The following EML6 variants were observed in gnomAD, a reference collection of about 807,000 sequenced individuals.
EML6 encodes the protein EMAP like 6, also known as echinoderm microtubule-associated protein-like 6.
A neutral mutation model predicts 240.1 loss-of-function variants in EML6; 154 were observed. The ratio of observed to expected loss-of-function variants is 0.64; its 90% CI spans 0.56 to 0.73. The LOEUF is 0.73. EML6 is among the 30% of genes least tolerant of loss of function. The pLI is 0.00. For missense variants in EML6, 2,964 were observed against 2,474.6 expected, an observed-to-expected ratio of 1.20 and a Z score of -4.20; for synonymous variants, 1,148 against 899.0, an observed-to-expected ratio of 1.28 and a Z score of -4.95.
At chr2:54,958,108 C>T (rs1206526204) in intron 33 of EML6, 110 bp downstream of exon 33, 1 of 900,964 alleles carries the variant, frequency 1.1e-6, no homozygotes, top group Non-Finnish European at 1.7e-6. Context: ...GCAGGAAAGC[C>T]ATTTCCACAT....
chr2:54,829,939 G>A (rs1668784828), intron 7 of EML6, among the ~76,000 whole-genome samples: 1 of 152,200 alleles, frequency 6.6e-6, no homozygotes, highest in Non-Finnish European at 1.5e-5. Context: ...CTATGAGAGA[G>A]TTAAGAAATT....
At chr2:54,909,038 C>T (rs981905251) in intron 24 of EML6, among the ~76,000 whole-genome samples, 1 of 152,190 alleles carries the variant, frequency 6.6e-6, no homozygotes, top group Non-Finnish European at 1.5e-5. Flanking sequence ...AGATTTTTCT[C>T]ATTTTTGGTT....
chr2:54,921,246 AGTC>A (rs1426992887), intron 26 of EML6, among the ~76,000 whole-genome samples: 2 of 152,244 alleles, frequency 1.3e-5, no homozygotes, highest in East Asian at 3.9e-4. Flanking sequence ...GAATTAATAA[AGTC>A]AGTAAAGTTG....
At chr2:54,938,993 G>C (rs1295782150) in intron 28 of EML6, among the ~76,000 whole-genome samples, 1 of 152,166 alleles carries the variant, frequency 6.6e-6, no homozygotes, top group East Asian at 1.9e-4. Context: ...TGTCAACTCT[G>C]TGAAAGCAAA....
At chr2:54,808,034 G>T (rs779500838) in intron 2 of EML6, among the ~76,000 whole-genome samples, 6 of 152,176 alleles carry the variant, frequency 3.9e-5, no homozygotes, top group Non-Finnish European at 7.3e-5. Flanking sequence ...CAGTTTTAGG[G>T]ACCCCCCCTG....
chr2:54,854,165 C>T (rs529586510), intron 11 of EML6, among the ~76,000 whole-genome samples: 28 of 151,976 alleles, frequency 1.8e-4, no homozygotes, highest in African/African-American at 6.0e-4. Flanking sequence ...ATATATAGTC[C>T]GTTAAAATGT....
intron 2 of EML6, among the ~76,000 whole-genome samples, chr2:54,782,364 T>C (rs1358935239): frequency 6.6e-6 from 1 of 152,174 alleles, no homozygotes; most frequent in Admixed American, 6.5e-5. Context: ...GGAAGCATGA[T>C]AAAAATGAGA....
Position 54,739,440 on chromosome 2 carries a change from A to C in EML6, c.197+14182A>C, listed in dbSNP as rs72913561. ...TAGTGAAAATGAAGGTATAATTTTT[A>C]ATCTAAGTTCATCAACCTCCTGAAA... On this transcript the variant is annotated intron_variant, in intron 2 of 41. Transcript: ENST00000356458. Among the ~76,000 whole-genome samples the C allele has an allele frequency of 1.0e-3, 152 of 152,352 alleles. 1 individual carries two copies. Among genetic ancestry groups the C allele is most frequent in the African/African-American group, 3.5e-3 (146 of 41,574 alleles).
chr2:54,743,233 T>C (rs1683737465), intron 2 of EML6, among the ~76,000 whole-genome samples: 1 of 152,170 alleles, frequency 6.6e-6, no homozygotes, highest in Non-Finnish European at 1.5e-5. Flanking sequence ...GTTGCACTCA[T>C]GTAGCACTCA....
chr2:54,872,261 TA>T (rs1431003823), intron 16 of EML6, among the ~76,000 whole-genome samples: 2 of 152,206 alleles, frequency 1.3e-5, no homozygotes, highest in Non-Finnish European at 2.9e-5. Context: ...TATTTCTACC[TA>T]GAAATTTTTA....
At chr2:54,939,547 T>A (rs966056386) in intron 28 of EML6, among the ~76,000 whole-genome samples, 1 of 152,204 alleles carries the variant, frequency 6.6e-6, no homozygotes, top group South Asian at 2.1e-4. Flanking sequence ...TGCACCCATA[T>A]TTGGCTGATC....
chr2:54,949,441 G>C (rs1486779266), intron 29 of EML6, among the ~76,000 whole-genome samples: 3 of 152,280 alleles, frequency 2.0e-5, no homozygotes, highest in African/African-American at 7.2e-5. Flanking sequence ...TTCCCGACGA[G>C]GACGCTGTGG....
intron 4 of EML6, among the ~76,000 whole-genome samples, chr2:54,818,635 T>C (rs1668186919): frequency 1.3e-5 from 2 of 152,350 alleles, no homozygotes; most frequent in African/African-American, 2.4e-5. Context: ...TTAGATAAAT[T>C]GAACACCTCT....
chr2:54,907,946 A>AGATAAGATAGAT (rs1202900130), intron 24 of EML6, among the ~76,000 whole-genome samples: 8 of 38,028 alleles, frequency 2.1e-4, no homozygotes, highest in Non-Finnish European at 4.2e-4. Context: ...ATAGATAGAT[A>AGATAAGATAGAT]AGATAGATAG....
Position 54,839,814 on chromosome 2 carries a change from A to G in EML6, c.848-4233A>G, listed in dbSNP as rs571272600. 5.9e-5 allele frequency among the ~76,000 whole-genome samples: 9 copies of G among 152,214 alleles called. No individual in the cohort carries two copies. In the East Asian group the frequency reaches 1.7e-3, roughly 30 times the overall value. ...TATGGTCTGAAAAACACTGAGTGCC[A>G]TGTGACTTGACTGGTTCATTAGTCT... On this transcript the variant is annotated intron_variant, in intron 7 of 41. Transcript: ENST00000356458.
In EML6 at chr2:54,948,546, C is replaced by CATGG. The variant is rs1558716524; in HGVS notation, c.4005-336_4005-335insATGG. Reference sequence around the variant, plus strand: ...CCTCCCGCCCCTCATGGTCAGGCTTCTCCTTGGTTTTGAACCAAGCCCCTC... The same window carrying CATGG: ...CCTCCCGCCCCTCATGGTCAGGCTTCATGGTCCTTGGTTTTGAACCAAGCCCCTC... On this transcript the variant is annotated intron_variant, in intron 28 of 41. Coordinates refer to ENST00000356458, the MANE Select transcript of EML6 (RefSeq NM_001039753.4). Among the ~76,000 whole-genome samples the CATGG allele has an allele frequency of 2.0e-5, 3 of 152,234 alleles. No homozygotes were observed. The South Asian group carries it at 6.2e-4, about 31-fold the overall frequency.
chr2:54,951,856 C>T (rs76413500), intron 30 of EML6, among the ~76,000 whole-genome samples: 4 of 152,142 alleles, frequency 2.6e-5, no homozygotes, highest in Admixed American at 2.6e-4. Flanking sequence ...TATATATTTT[C>T]TTCACTTTCT....
At chr2:54,896,862 C>T (rs1174252166) in intron 21 of EML6, among the ~76,000 whole-genome samples, 2 of 152,132 alleles carry the variant, frequency 1.3e-5, no homozygotes, top group East Asian at 3.9e-4. Context: ...CCCTGGATAT[C>T]CTGAACAAGT....
At chr2:54,941,016 C>T (rs1675401826) in intron 28 of EML6, among the ~76,000 whole-genome samples, 1 of 152,220 alleles carries the variant, frequency 6.6e-6, no homozygotes, top group African/African-American at 2.4e-5. Flanking sequence ...AGGTTTCCTT[C>T]AGTCACCAAA....
Sources: allele counts gnomAD v4.1 joint callset (sites outside exome capture counted in the v4.1 genomes callset), GRCh38; gene constraint gnomAD v4.1.1; transcripts MANE v1.5; gene names NCBI Gene and HGNC (gene_info 2026-07-23, HGNC 2026-07-21).